The following CELF4 variants were observed in gnomAD, a reference collection of about 807,000 sequenced individuals.
The protein encoded by CELF4 is CUG-BP- and ETR-3-like factor 4.
CELF4 carries 18 observed loss-of-function variants against 59.9 expected under a neutral mutation model. The observed-to-expected ratio is 0.30, with a 90% CI of 0.21 to 0.45. CELF4 has a LOEUF of 0.45. Ranked by LOEUF, CELF4 falls within the 20% of genes least tolerant of loss-of-function variation. CELF4 has a pLI of 1.00. For synonymous variants in CELF4, 261 were observed against 267.1 expected (o/e 0.98, Z 0.22); for missense variants, 456 against 689.0 (o/e 0.66, Z 3.79).
At chr18:37,392,619 C>A (rs1603634648) in intron 2 of CELF4, among the ~76,000 whole-genome samples, 2 of 152,308 alleles carry the variant, frequency 1.3e-5, no homozygotes, top group South Asian at 4.1e-4. Flanking sequence ...CTACCTAGTG[C>A]AGTATGGCAG....
intron 2 of CELF4, among the ~76,000 whole-genome samples, chr18:37,427,965 G>A (rs917809761): frequency 6.6e-6 from 1 of 152,252 alleles, no homozygotes; most frequent in Non-Finnish European, 1.5e-5. Context: ...TCTACGGTGT[G>A]TGTATGTGTG....
At chr18:37,335,354 C>T (rs960243124) in intron 2 of CELF4, among the ~76,000 whole-genome samples, 4 of 151,842 alleles carry the variant, frequency 2.6e-5, no homozygotes, top group African/African-American at 7.3e-5. Context: ...GGGGTCTGCA[C>T]GTGAGTATGT....
At chr18:37,364,472 G>T (rs2098750240) in intron 2 of CELF4, among the ~76,000 whole-genome samples, 1 of 152,198 alleles carries the variant, frequency 6.6e-6, no homozygotes, top group Admixed American at 6.5e-5. Flanking sequence ...AGGATCCCAA[G>T]ACAGTAATTT....
At chr18:37,372,559 C>A (rs1230556617) in intron 2 of CELF4, among the ~76,000 whole-genome samples, 1 of 151,966 alleles carries the variant, frequency 6.6e-6, no homozygotes, top group Non-Finnish European at 1.5e-5. Flanking sequence ...TACTGCACAC[C>A]AAAATGGCAC....
At chr18:37,361,473 A>G (rs921021377) in intron 2 of CELF4, among the ~76,000 whole-genome samples, 1 of 152,030 alleles carries the variant, frequency 6.6e-6, no homozygotes, top group Admixed American at 6.5e-5. Flanking sequence ...CCCATTAGCG[A>G]AGTTATTTAG....
chr18:37,404,975 T>G (rs1233037095), intron 2 of CELF4, among the ~76,000 whole-genome samples: 1 of 152,070 alleles, frequency 6.6e-6, no homozygotes, highest in Non-Finnish European at 1.5e-5. Context: ...AAACATTCCT[T>G]GTAAAAAAAC....
intron 2 of CELF4, among the ~76,000 whole-genome samples, chr18:37,480,196 G>T (rs2099862498): frequency 6.6e-6 from 1 of 152,226 alleles, no homozygotes; most frequent in South Asian, 2.1e-4. Context: ...GGAACTGGAA[G>T]AGTGTGTGGA....
chr18:37,546,978 A>C (rs1439347720), intron 1 of CELF4, among the ~76,000 whole-genome samples: 1 of 152,144 alleles, frequency 6.6e-6, no homozygotes, highest in Non-Finnish European at 1.5e-5. Context: ...AGGCTGCCCC[A>C]TCATCCCGGG....
At position 37,409,940 on chromosome 18, in the gene CELF4, A is replaced by G. The variant is rs1465401014; in HGVS notation, c.369+75585T>C. Among the ~76,000 whole-genome samples, 3 of 152,154 alleles carry G rather than the reference A, an allele frequency of 2.0e-5. No homozygotes were observed. In the East Asian group the frequency reaches 5.8e-4, roughly 29 times the overall value. On this transcript the variant is annotated intron_variant, in intron 2 of 12. Coordinates refer to ENST00000420428, the MANE Select transcript of CELF4 (RefSeq NM_020180.4). ...CATGCAGCGCCTCAGGGCCAGGCAC[A>G]CCCACTGGGCCCAGCCTGAAAGCTC...
At chr18:37,390,913 G>C (rs2099154229) in intron 2 of CELF4, among the ~76,000 whole-genome samples, 1 of 151,984 alleles carries the variant, frequency 6.6e-6, no homozygotes, top group African/African-American at 2.4e-5. Context: ...GACCCAGCCT[G>C]ATCAATCCTA....
Position 37,565,488 on chromosome 18 carries a change from C to G in CELF4, c.154G>C (p.Asp52His). ...NPSTIPMKDH[D>H]AIKLFIGQIP... ...TGCCCAATGAACAGCTTGATGGCATCGTGGTCCTTCATGGGAATGGTCGAC... is the reference window on the plus strand; with the variant it reads ...TGCCCAATGAACAGCTTGATGGCATGGTGGTCCTTCATGGGAATGGTCGAC... The change falls in exon 1 of 13, where the codon GAT becomes CAT. Residue 52 changes from aspartate to histidine, a missense_variant. Asp to His is a moderately conservative substitution (Grantham distance 81). Around this residue, in one of 7 missense-constraint regions of CELF4, gnomAD observed 4 missense variants for 27.8 expected, o/e 0.14. Transcript: ENST00000420428. 6.2e-7 allele frequency: 1 copy of G among 1,614,142 alleles called. No homozygotes were observed. Among genetic ancestry groups the G allele is most frequent in the Non-Finnish European group, 8.5e-7 (1 of 1,180,036 alleles).
intron 1 of CELF4, among the ~76,000 whole-genome samples, chr18:37,504,327 C>A (rs1220046869): frequency 6.6e-6 from 1 of 151,770 alleles, no homozygotes; most frequent in Non-Finnish European, 1.5e-5. Context: ...CCCGTCTCTA[C>A]TAAAAATACA....
chr18:37,424,882 C>T (rs1015586287), intron 2 of CELF4, among the ~76,000 whole-genome samples: 5 of 152,178 alleles, frequency 3.3e-5, no homozygotes, highest in African/African-American at 1.2e-4. Context: ...TTGCTACCTG[C>T]CTGCTATTCC....
At chr18:37,552,963 T>C (rs989600957) in intron 1 of CELF4, among the ~76,000 whole-genome samples, 6 of 152,344 alleles carry the variant, frequency 3.9e-5, no homozygotes, top group Admixed American at 2.6e-4. Flanking sequence ...ACAACGTGCT[T>C]TTCTCGCACT....
intron 1 of CELF4, among the ~76,000 whole-genome samples, chr18:37,487,142 T>C (rs1282591210): frequency 1.3e-5 from 2 of 152,174 alleles, no homozygotes; most frequent in Admixed American, 1.3e-4. Context: ...TAGACTCTGG[T>C]TGCCGGCCAC....
intron 1 of CELF4, among the ~76,000 whole-genome samples, chr18:37,541,872 G>A (rs754897002): frequency 9.2e-5 from 14 of 152,080 alleles, no homozygotes; most frequent in Non-Finnish European, 2.1e-4. Context: ...AGCGGCCCCA[G>A]TCATGCCTCA....
At chr18:37,322,338 T>A (rs2097151973) in intron 2 of CELF4, among the ~76,000 whole-genome samples, 1 of 152,258 alleles carries the variant, frequency 6.6e-6, no homozygotes, top group African/African-American at 2.4e-5. Context: ...GGCATCCAGC[T>A]TGATCCCAGC....
At chr18:37,284,407 C>G (rs760597784) in intron 3 of CELF4, among the ~76,000 whole-genome samples, 53 of 152,214 alleles carry the variant, frequency 3.5e-4, no homozygotes, top group Non-Finnish European at 5.7e-4. Flanking sequence ...CTCTGGGAGC[C>G]TGGCCTGGGC....
At chr18:37,555,451 C>A (rs760150489) in intron 1 of CELF4, among the ~76,000 whole-genome samples, 1 of 152,136 alleles carries the variant, frequency 6.6e-6, no homozygotes, top group South Asian at 2.1e-4. Context: ...AACCATAAAG[C>A]CTCTGGGAAC....
Sources: gnomAD v4.1 joint callset for allele counts (sites outside exome capture counted in the v4.1 genomes callset) on GRCh38, gnomAD v4.1.1 for gene constraint, gnomAD v4.1.1 regional missense constraint, MANE v1.5 for transcripts, NCBI Gene and HGNC (gene_info 2026-07-23, HGNC 2026-07-21) for gene names.